UNC5C: variants seen among roughly 807,000 people sequenced by gnomAD.
UNC5C encodes netrin receptor UNC5C.
A neutral mutation model predicts 99.8 loss-of-function variants in UNC5C; 47 were observed. The observed-to-expected ratio is 0.47, with a 90% CI of 0.37 to 0.60. UNC5C has a LOEUF of 0.60. Among genes scored for constraint, UNC5C ranks in the 20% least tolerant of loss-of-function variants. The probability of loss-of-function intolerance (pLI) is 0.00; values close to 1 mark genes in which losing one functional copy is unlikely to be tolerated. For missense variants in UNC5C, 1,062 were observed against 1,165.9 expected, an observed-to-expected ratio of 0.91 and a Z score of 1.30; for synonymous variants, 487 against 452.2, an observed-to-expected ratio of 1.08 and a Z score of -0.98.
At chr4:95,401,662 G>A (rs914739956) in intron 1 of UNC5C, among the ~76,000 whole-genome samples, 8 of 152,082 alleles carry the variant, frequency 5.3e-5, no homozygotes, top group African/African-American at 9.7e-5. Context: ...TATGTTCAGC[G>A]CCTCTTCGTG....
At chr4:95,418,863 A>G (rs1458398945) in intron 1 of UNC5C, among the ~76,000 whole-genome samples, 3 of 152,112 alleles carry the variant, frequency 2.0e-5, no homozygotes, top group Non-Finnish European at 4.4e-5. Flanking sequence ...TGCAGCCCAA[A>G]GTCTAGGACG....
chr4:95,539,281 C>T (rs1351365606), intron 1 of UNC5C, among the ~76,000 whole-genome samples: 2 of 152,206 alleles, frequency 1.3e-5, no homozygotes, highest in Non-Finnish European at 1.5e-5. Flanking sequence ...TTCTCCTCCA[C>T]GGCTTTGAAA....
rs776176867 is a variant in UNC5C, at chr4:95,166,156, A to G, written c.*3078T>C. Reference sequence around the variant, plus strand: ...GCACAAATGATAGTTTTTTCTATCCAAATGAAACCAGCCAAACTGCCTCTC... The same window carrying G: ...GCACAAATGATAGTTTTTTCTATCCGAATGAAACCAGCCAAACTGCCTCTC... On this transcript the variant is annotated 3_prime_UTR_variant, in exon 16 of 16. Transcript: ENST00000453304. The G allele has an allele frequency of 1.3e-5, 2 of 152,340 alleles. No individual in the cohort carries two copies. The highest frequency in any genetic ancestry group is 4.1e-4 in the South Asian group (2 of 4,828). The allele number at this position is 152,340 out of a possible 1,614,324, so 9.4% of individuals were successfully genotyped here. A position where few individuals can be genotyped will look rare whatever the true frequency, so the allele number is the denominator to read the frequency against.
At chr4:95,449,908 A>T (rs1414130550) in intron 1 of UNC5C, among the ~76,000 whole-genome samples, 1 of 152,226 alleles carries the variant, frequency 6.6e-6, no homozygotes, top group Non-Finnish European at 1.5e-5. Flanking sequence ...TTTTGGTGAC[A>T]TGCATTTCAA....
At chr4:95,541,113 T>TA (rs1350427211) in intron 1 of UNC5C, among the ~76,000 whole-genome samples, 2 of 152,226 alleles carry the variant, frequency 1.3e-5, no homozygotes, top group African/African-American at 4.8e-5. Flanking sequence ...CTTTTACCTT[T>TA]AGTAAAGGTA....
At chr4:95,186,647 G>C (rs1015542820) in intron 12 of UNC5C, among the ~76,000 whole-genome samples, 4 of 152,220 alleles carry the variant, frequency 2.6e-5, no homozygotes, top group African/African-American at 7.2e-5. Context: ...GGATAATGTG[G>C]AATGTGGTTT....
Position 95,242,559 on chromosome 4 carries a change from A to G in UNC5C, c.978T>C (p.Ser326=), listed in dbSNP as rs927547005. 3 of 1,605,038 alleles carry G rather than the reference A, an allele frequency of 1.9e-6. No individual in the cohort carries two copies. The African/African-American group carries it at 4.0e-5, about 22-fold the overall frequency. Residue 326 remains serine (S), a synonymous_variant, in exon 7 of 16, where the codon TCT becomes TCC. Coordinates refer to ENST00000453304, the MANE Select transcript of UNC5C (RefSeq NM_003728.4). ...DGRWTPWSKW[S]TCGTECTHWR... is the part of the protein sequence containing the mutation. ...AGTGGGTGCACTCAGTTCCACAAGT[A>G]GACCACTTGCTCCATGGCGTCCACC...
At chr4:95,419,535 T>C in intron 1 of UNC5C, among the ~76,000 whole-genome samples, 1 of 152,212 alleles carries the variant, frequency 6.6e-6, no homozygotes, top group Non-Finnish European at 1.5e-5. Flanking sequence ...GGATATGCTA[T>C]GGCTCTCAGC....
intron 1 of UNC5C, among the ~76,000 whole-genome samples, chr4:95,505,771 T>G (rs1721900859): frequency 6.6e-6 from 1 of 152,056 alleles, no homozygotes; most frequent in African/African-American, 2.4e-5. Context: ...GGACTGTCAA[T>G]TTTTAAATAC....
intron 14 of UNC5C, among the ~76,000 whole-genome samples, chr4:95,171,228 T>TTTTA (rs549882806): frequency 0.019 from 2,950 of 152,020 alleles, 99 homozygotes; most frequent in African/African-American, 0.067. Flanking sequence ...TTTTTTTCTT[T>TTTTA]TTTATTTATT....
intron 1 of UNC5C, among the ~76,000 whole-genome samples, chr4:95,474,725 T>C (rs1482147564): frequency 6.6e-6 from 1 of 152,118 alleles, no homozygotes; most frequent in Non-Finnish European, 1.5e-5. Flanking sequence ...AATAAAAACT[T>C]AGACATGCAT....
At chr4:95,501,393 A>C (rs1163471042) in intron 1 of UNC5C, among the ~76,000 whole-genome samples, 1 of 152,114 alleles carries the variant, frequency 6.6e-6, no homozygotes, top group Non-Finnish European at 1.5e-5. Flanking sequence ...TTTGCTATTT[A>C]ATTAAGAGAA....
chr4:95,313,187 A>G (rs1742334241), intron 2 of UNC5C, among the ~76,000 whole-genome samples: 1 of 152,158 alleles, frequency 6.6e-6, no homozygotes, highest in Non-Finnish European at 1.5e-5. Flanking sequence ...ACTCTAGGGG[A>G]GAGTAGTTTA....
chr4:95,480,027 G>A (rs1721087117), intron 1 of UNC5C, among the ~76,000 whole-genome samples: 1 of 151,536 alleles, frequency 6.6e-6, no homozygotes, highest in Non-Finnish European at 1.5e-5. Context: ...CATGGACTTA[G>A]ACTGGAAATT....
intron 2 of UNC5C, among the ~76,000 whole-genome samples, chr4:95,306,651 CT>C (rs1248694936): frequency 6.6e-6 from 1 of 152,176 alleles, no homozygotes; most frequent in Non-Finnish European, 1.5e-5. Context: ...CAACTTTAGA[CT>C]TAGGTATTAT....
chr4:95,224,107 G>T (rs923513855), intron 7 of UNC5C, among the ~76,000 whole-genome samples: 1 of 151,944 alleles, frequency 6.6e-6, no homozygotes, highest in African/African-American at 2.4e-5. Context: ...CATGGTGAAA[G>T]CCCATCTCTA....
chr4:95,542,102 CACA>C (rs921570882), intron 1 of UNC5C, among the ~76,000 whole-genome samples: 3 of 152,224 alleles, frequency 2.0e-5, no homozygotes, highest in Non-Finnish European at 4.4e-5. Flanking sequence ...CCCCTATCCT[CACA>C]ACATTTTAAA....
intron 1 of UNC5C, among the ~76,000 whole-genome samples, chr4:95,364,214 C>T (rs1488638911): frequency 6.6e-6 from 1 of 152,172 alleles, no homozygotes; most frequent in Non-Finnish European, 1.5e-5. Flanking sequence ...CACTGCTTTC[C>T]TGGCACAGAA....
chr4:95,406,376 T>C (rs1745829621), intron 1 of UNC5C, among the ~76,000 whole-genome samples: 1 of 152,168 alleles, frequency 6.6e-6, no homozygotes, highest in African/African-American at 2.4e-5. Flanking sequence ...ATGGGCTTCC[T>C]GGAGATGGTG....
Sources: gnomAD v4.1 joint callset for allele counts (sites outside exome capture counted in the v4.1 genomes callset) on GRCh38, gnomAD v4.1.1 for gene constraint, MANE v1.5 for transcripts, NCBI Gene and HGNC (gene_info 2026-07-23, HGNC 2026-07-21) for gene names.